The following PDE8B variants were observed in gnomAD, a reference collection of about 807,000 sequenced individuals.
PDE8B encodes the protein high affinity cAMP-specific and IBMX-insensitive 3',5'-cyclic phosphodiesterase 8B.
Under a neutral mutation model 101.3 loss-of-function variants are expected in PDE8B, and 26 were observed. The observed-to-expected ratio is 0.26, with a 90% CI of 0.19 to 0.36. The LOEUF (loss-of-function observed/expected upper bound fraction) is 0.36. Ranked by LOEUF, PDE8B falls within the 10% of genes least tolerant of loss-of-function variation. The pLI is 1.00. For synonymous variants in PDE8B, 424 were observed against 429.3 expected (o/e 0.99, Z 0.15); for missense variants, 810 against 1,163.1 (o/e 0.70, Z 4.42).
intron 9 of PDE8B, among the ~76,000 whole-genome samples, chr5:77,352,518 T>C (rs1159888775): frequency 2.6e-5 from 4 of 152,238 alleles, no homozygotes; most frequent in Non-Finnish European, 4.4e-5. Flanking sequence ...GGCAGTGAGC[T>C]ATCAGAGGCA....
chr5:77,308,123 C>T (rs1467254850), intron 1 of PDE8B, among the ~76,000 whole-genome samples: 3 of 152,214 alleles, frequency 2.0e-5, no homozygotes, highest in Admixed American at 6.5e-5. Flanking sequence ...GTGAATACAC[C>T]TGCTACAGGT....
At chr5:77,294,726 A>G (rs1316449274) in intron 1 of PDE8B, among the ~76,000 whole-genome samples, 1 of 151,432 alleles carries the variant, frequency 6.6e-6, no homozygotes, top group African/African-American at 2.4e-5. Context: ...CAGTGCAGAA[A>G]GCACTGTATA....
chr5:77,274,760 C>A (rs928621954), intron 1 of PDE8B, among the ~76,000 whole-genome samples: 2 of 151,838 alleles, frequency 1.3e-5, no homozygotes, highest in Non-Finnish European at 2.9e-5. Context: ...GGAAAATTTA[C>A]AACTTAACTA....
At chr5:77,393,624 C>T (rs1435460949) in intron 10 of PDE8B, among the ~76,000 whole-genome samples, 1 of 152,182 alleles carries the variant, frequency 6.6e-6, no homozygotes, top group Non-Finnish European at 1.5e-5. Context: ...TAAAGTGTAG[C>T]AAGAATAGTT....
chr5:77,352,607 C>T (rs530382833), intron 9 of PDE8B, among the ~76,000 whole-genome samples: 1 of 152,260 alleles, frequency 6.6e-6, no homozygotes, highest in East Asian at 1.9e-4. Context: ...ATTTTATATC[C>T]TCTTTTCAGA....
At chr5:77,161,448 C>T in the PDE8B span, among the ~76,000 whole-genome samples, 3 of 152,026 alleles carry the variant, frequency 2.0e-5, no homozygotes, top group Non-Finnish European at 4.4e-5. Flanking sequence ...ATTTGATTAT[C>T]CATTCACCTA....
chr5:77,316,897 G>A (rs531629880), intron 2 of PDE8B, among the ~76,000 whole-genome samples: 1 of 152,248 alleles, frequency 6.6e-6, no homozygotes, highest in South Asian at 2.1e-4. Context: ...GATGCAAGTG[G>A]TAAAGAGTAC....
intron 10 of PDE8B, among the ~76,000 whole-genome samples, chr5:77,376,241 G>A (rs577081746): frequency 6.6e-4 from 100 of 152,278 alleles, no homozygotes; most frequent in East Asian, 3.5e-3. Context: ...TAGCTTGAAT[G>A]TGTGATTCAA....
chr5:77,246,533 A>T (rs974684377), intron 1 of PDE8B, among the ~76,000 whole-genome samples: 3 of 152,262 alleles, frequency 2.0e-5, no homozygotes, highest in Non-Finnish European at 4.4e-5. Context: ...AGAAGAAAAA[A>T]ACATTTTATG....
chr5:77,219,961 C>T (rs1327190245), intron 1 of PDE8B, among the ~76,000 whole-genome samples: 1 of 152,194 alleles, frequency 6.6e-6, no homozygotes, highest in African/African-American at 2.4e-5. Flanking sequence ...TGTGCAGCCT[C>T]AGACACACAC....
chr5:77,420,453 T>G lies in PDE8B; in HGVS notation c.2250+566T>G, dbSNP rs116357138. 6.6e-3 allele frequency among the ~76,000 whole-genome samples: 1,005 copies of G among 151,224 alleles called. 22 individuals carry two copies. Among genetic ancestry groups the G allele is most frequent in the African/African-American group, 0.023 (943 of 41,490 alleles). On this transcript the variant is annotated intron_variant, in intron 19 of 21. Coordinates refer to ENST00000264917, the MANE Select transcript of PDE8B (RefSeq NM_003719.5). ...GAACATGAAACAGAAGGTTCACACCTAATAAGATCCACTGTTCTCTGAAGC... is the reference window on the plus strand; with the variant it reads ...GAACATGAAACAGAAGGTTCACACCGAATAAGATCCACTGTTCTCTGAAGC...
Position 77,349,541 on chromosome 5 carries a change from A to G in PDE8B, c.999A>G (p.Thr333=), listed in dbSNP as rs886060757. Residue 333 remains threonine (T), a synonymous_variant, in exon 8 of 22, where the codon ACA becomes ACG. Coordinates refer to ENST00000264917, the MANE Select transcript of PDE8B (RefSeq NM_003719.5). ...CAGACCTTCTCGACACCATCAATAC[A>G]TGCATCAAGAAGGGAAAGGTGGGTT... ...NRADLLDTIN[T]CIKKGKEWQG... The G allele has an allele frequency of 4.4e-5, 71 of 1,614,086 alleles. No homozygotes were observed. The highest frequency in any genetic ancestry group is 1.6e-4 in the Middle Eastern group (1 of 6,084).
chr5:77,413,463 T>C (rs1463254967), intron 17 of PDE8B, among the ~76,000 whole-genome samples, 154 bp downstream of exon 17: 4 of 152,150 alleles, frequency 2.6e-5, no homozygotes, highest in Non-Finnish European at 5.9e-5. Flanking sequence ...GTCACTTTGG[T>C]GTTGTAAAGA....
At chr5:77,218,800 G>A (rs1993946) in intron 1 of PDE8B, among the ~76,000 whole-genome samples, 12,732 of 152,106 alleles carry the variant, frequency 0.084, 1,166 homozygotes, top group East Asian at 0.5. Flanking sequence ...TATTTTTATG[G>A]TTGCTATTAT....
intron 5 of PDE8B, among the ~76,000 whole-genome samples, chr5:77,336,145 TTATC>T (rs1778144112): frequency 6.6e-6 from 1 of 152,236 alleles, no homozygotes; most frequent in Non-Finnish European, 1.5e-5. Flanking sequence ...TATTATTTGC[TTATC>T]TATCTGTTCA....
At chr5:77,331,632 C>T (rs959325622) in intron 5 of PDE8B, among the ~76,000 whole-genome samples, 173 bp downstream of exon 5, 1 of 152,158 alleles carries the variant, frequency 6.6e-6, no homozygotes, top group Non-Finnish European at 1.5e-5. Flanking sequence ...AGCTGCCAGT[C>T]GAGCTCTTTG....
intron 6 of PDE8B, among the ~76,000 whole-genome samples, chr5:77,339,877 G>C (rs756521282): frequency 1.8e-4 from 28 of 151,922 alleles, no homozygotes; most frequent in Non-Finnish European, 3.5e-4. Flanking sequence ...TCAAACAGAA[G>C]ATGTAGTCTA....
At chr5:77,222,799 G>A (rs1751452093) in intron 1 of PDE8B, among the ~76,000 whole-genome samples, 1 of 152,180 alleles carries the variant, frequency 6.6e-6, no homozygotes, top group Non-Finnish European at 1.5e-5. Context: ...AGACTGTAAG[G>A]AAAAGCCAAG....
the PDE8B span, among the ~76,000 whole-genome samples, chr5:77,171,201 T>C: frequency 3.7e-4 from 57 of 152,230 alleles, no homozygotes; most frequent in East Asian, 5.8e-4. Flanking sequence ...GAAACAAGCA[T>C]TGGGGAGGTA....
Sources: gnomAD v4.1 joint callset for allele counts (sites outside exome capture counted in the v4.1 genomes callset) on GRCh38, gnomAD v4.1.1 for gene constraint, MANE v1.5 for transcripts, NCBI Gene and HGNC (gene_info 2026-07-23, HGNC 2026-07-21) for gene names.